The following PRMT3 variants were observed in gnomAD, a reference collection of about 807,000 sequenced individuals.
PRMT3 encodes protein arginine N-methyltransferase 3.
In PRMT3, 62 loss-of-function variants were observed where a neutral mutation model predicts 71.9. The observed-to-expected ratio is 0.86, with a 90% confidence interval of 0.70 to 1.07. The LOEUF is 1.07. PRMT3 is among the 50% of genes least tolerant of loss of function. PRMT3 has a pLI of 0.00. For missense variants in PRMT3, 663 were observed against 643.0 expected (o/e 1.03, Z -0.34); for synonymous variants, 213 against 220.4 (o/e 0.97, Z 0.30).
intron 13 of PRMT3, among the ~76,000 whole-genome samples, chr11:20,484,680 C>T (rs572373442): frequency 6.6e-6 from 1 of 152,164 alleles, no homozygotes; most frequent in African/African-American, 2.4e-5. Context: ...CCCATTAAAC[C>T]TCTTTCTTTT....
At chr11:20,502,680 A>ATTT (rs1398980378) in intron 15 of PRMT3, among the ~76,000 whole-genome samples, 2 of 152,194 alleles carry the variant, frequency 1.3e-5, no homozygotes, top group Non-Finnish European at 2.9e-5. Context: ...ACTATGGAAC[A>ATTT]TTTCTATTTT....
intron 2 of PRMT3, 71 bp from the exon 3 acceptor site, chr11:20,389,673 A>C: frequency 9.9e-7 from 1 of 1,008,590 alleles, no homozygotes; most frequent in Non-Finnish European, 1.5e-6. Flanking sequence ...AAAAAAGTGT[A>C]TATGTAACAT....
chr11:20,397,685 A>G lies in PRMT3; in HGVS notation c.669A>G (p.Ser223=). ...QEDEDGVYFS[S]YGHYGIHEEM... ...ATGAGGATGGTGTTTATTTCAGCTC[A>G]TACGGGCATTATGGGATACATGAAG... Residue 223 remains serine (S), a synonymous_variant, in exon 7 of 16, where the codon TCA becomes TCG. Coordinates refer to ENST00000331079, the MANE Select transcript of PRMT3 (RefSeq NM_005788.4). 1 of 1,614,202 alleles carries G rather than the reference A, an allele frequency of 6.2e-7. No individual in the cohort carries two copies.
intron 12 of PRMT3, among the ~76,000 whole-genome samples, chr11:20,463,576 T>G (rs1315518426): frequency 2.0e-3 from 2 of 1,020 alleles, no homozygotes; most frequent in Non-Finnish European, 0.032. Context: ...TATGTACTCT[T>G]TTTTTTTTTT....
chr11:20,438,665 A>G (rs1400095409), intron 10 of PRMT3, among the ~76,000 whole-genome samples: 1 of 152,024 alleles, frequency 6.6e-6, no homozygotes, highest in Non-Finnish European at 1.5e-5. Flanking sequence ...GAGGGTGATA[A>G]TCCACTTCAC....
intron 13 of PRMT3, among the ~76,000 whole-genome samples, chr11:20,479,758 A>G (rs1590097301): frequency 6.6e-6 from 1 of 152,270 alleles, no homozygotes; most frequent in East Asian, 1.9e-4. Flanking sequence ...ATTTCTGTAT[A>G]TCTCAGCCAC....
chr11:20,500,850 T>C (rs1431573492), intron 15 of PRMT3, among the ~76,000 whole-genome samples: 1 of 152,226 alleles, frequency 6.6e-6, no homozygotes, highest in Non-Finnish European at 1.5e-5. Flanking sequence ...ACACATTTTA[T>C]GTAAGTAACA....
At chr11:20,407,781 G>A (rs1053060332) in intron 8 of PRMT3, 130 bp from the exon 9 acceptor site, 45 of 926,400 alleles carry the variant, frequency 4.9e-5, no homozygotes, top group Non-Finnish European at 6.5e-5. Flanking sequence ...GAGCCACCGC[G>A]CCTGGCCAGT....
intron 9 of PRMT3, among the ~76,000 whole-genome samples, chr11:20,415,032 G>GTGTGTA (rs1555009403): frequency 3.0e-5 from 4 of 132,984 alleles, no homozygotes; most frequent in South Asian, 4.7e-4. Context: ...GTGTGTGTGT[G>GTGTGTA]TGTGTGTGTG....
At chr11:20,429,252 A>G (rs1849607077) in intron 10 of PRMT3, among the ~76,000 whole-genome samples, 1 of 152,140 alleles carries the variant, frequency 6.6e-6, no homozygotes, top group Non-Finnish European at 1.5e-5. Flanking sequence ...CATCAGGAGC[A>G]TACAGTCTAG....
At chr11:20,444,710 G>A (rs1849984709) in intron 10 of PRMT3, among the ~76,000 whole-genome samples, 1 of 152,086 alleles carries the variant, frequency 6.6e-6, no homozygotes. Flanking sequence ...GATTTAGAAT[G>A]AAGTACCTAC....
intron 11 of PRMT3, among the ~76,000 whole-genome samples, chr11:20,456,076 T>C (rs1850261174): frequency 6.6e-6 from 1 of 152,170 alleles, no homozygotes; most frequent in African/African-American, 2.4e-5. Context: ...TGGCAGAATA[T>C]GCTATAAGCA....
chr11:20,508,598 T>C lies in PRMT3; in HGVS notation c.*185T>C. ...AGTTCAGCTGAGGAAGAGAATCAGC[T>C]GATCCTCATGGTCTGCCACGTAATC... On this transcript the variant is annotated 3_prime_UTR_variant, in exon 16 of 16. Transcript: ENST00000331079. The C allele has an allele frequency of 1.4e-6, 1 of 690,466 alleles. No individual in the cohort carries two copies. Among genetic ancestry groups the C allele is most frequent in the Non-Finnish European group, 2.7e-6 (1 of 375,960 alleles). 42.8% of individuals were successfully genotyped at this position (690,466 alleles called of 1,614,324 possible).
intron 3 of PRMT3, among the ~76,000 whole-genome samples, chr11:20,391,070 T>A (rs1475070735): frequency 1.3e-5 from 2 of 151,394 alleles, no homozygotes; most frequent in Non-Finnish European, 1.5e-5. Flanking sequence ...AAATAATAGG[T>A]TTTTTGGTCC....
chr11:20,388,864 C>T (rs1848652815), intron 2 of PRMT3, among the ~76,000 whole-genome samples: 1 of 152,244 alleles, frequency 6.6e-6, no homozygotes, highest in Non-Finnish European at 1.5e-5. Context: ...GGCAAGTAGG[C>T]ATGAAAGAGG....
chr11:20,503,287 A>C (rs554578789), intron 15 of PRMT3, among the ~76,000 whole-genome samples: 2 of 152,090 alleles, frequency 1.3e-5, no homozygotes, highest in African/African-American at 4.8e-5. Flanking sequence ...AAAATGCTCC[A>C]CTTACTATGT....
chr11:20,477,113 A>G (rs550405612), intron 13 of PRMT3, among the ~76,000 whole-genome samples: 54 of 152,298 alleles, frequency 3.5e-4, no homozygotes, highest in African/African-American at 1.3e-3. Context: ...GGTTTATTAC[A>G]GTAAGGATGA....
intron 13 of PRMT3, among the ~76,000 whole-genome samples, chr11:20,477,802 A>ACCCCCCCC (rs147395508): frequency 8.6e-6 from 1 of 116,448 alleles, no homozygotes; most frequent in Non-Finnish European, 1.8e-5. Context: ...CTTAGGAGAA[A>ACCCCCCCC]CCCCCCCCCC....
chr11:20,403,291 TA>T (rs1848989964), intron 8 of PRMT3, among the ~76,000 whole-genome samples: 1 of 152,226 alleles, frequency 6.6e-6, no homozygotes, highest in Non-Finnish European at 1.5e-5. Context: ...TGTTTACAGT[TA>T]TTCCCATGAA....
Sources: allele counts gnomAD v4.1 joint callset (sites outside exome capture counted in the v4.1 genomes callset), GRCh38; gene constraint gnomAD v4.1.1; transcripts MANE v1.5; gene names NCBI Gene and HGNC (gene_info 2026-07-23, HGNC 2026-07-21).